ARHGEF28: variants seen among roughly 807,000 people sequenced by gnomAD.
ARHGEF28 encodes the protein Rho guanine nucleotide exchange factor 28, also known as 190 kDa guanine nucleotide exchange factor.
A neutral mutation model predicts 206.6 loss-of-function variants in ARHGEF28; 152 were observed. The ratio of observed to expected loss-of-function variants is 0.74; its 90% CI spans 0.64 to 0.84. The LOEUF (loss-of-function observed/expected upper bound fraction) is 0.84, where lower values mean the gene tolerates loss of function less well. Ranked by LOEUF, ARHGEF28 falls within the 40% of genes least tolerant of loss-of-function variation. ARHGEF28 has a pLI of 0.00. For synonymous variants in ARHGEF28, 763 were observed against 776.4 expected, an observed-to-expected ratio of 0.98 and a Z score of 0.29; for missense variants, 2,028 against 2,073.2, an observed-to-expected ratio of 0.98 and a Z score of 0.42.
At chr5:73,835,554 T>A (rs1198911526) in intron 10 of ARHGEF28, among the ~76,000 whole-genome samples, 1 of 151,876 alleles carries the variant, frequency 6.6e-6, no homozygotes, top group African/African-American at 2.4e-5. Context: ...GTGGTGCACC[T>A]GTGGAGGGTG....
rs561505395 is a variant in ARHGEF28, at chr5:73,802,870, C to CTGTGTGTGTG, written c.1024+7521_1024+7530dup. ...GATAATTGGCCAGCAAGCTCGATTG[C>CTGTGTGTGTG]TGTGTGTGTGTGTGTGTGTGTGTGT... On this transcript the variant is annotated intron_variant, in intron 9 of 35. Coordinates refer to ENST00000513042, the MANE Select transcript of ARHGEF28 (RefSeq NM_001177693.2). Among the ~76,000 whole-genome samples the CTGTGTGTGTG allele has an allele frequency of 1.9e-3, 234 of 122,194 alleles. 2 individuals are homozygous for CTGTGTGTGTG. The highest frequency in any genetic ancestry group is 6.4e-3 in the African/African-American group (203 of 31,480). The allele number at this position is 122,194 out of a possible 152,430, so 80.2% of individuals were successfully genotyped here. A position where few individuals can be genotyped will look rare whatever the true frequency, so the allele number is the denominator to read the frequency against.
At chr5:73,867,725 C>G in intron 18 of ARHGEF28, 151 bp from the exon 19 acceptor site, 2 of 1,045,536 alleles carry the variant, frequency 1.9e-6, no homozygotes, top group South Asian at 1.6e-5. Context: ...GAGCAAGTGT[C>G]AGGATCTAGC....
chr5:73,786,655 G>A (rs79422618), intron 7 of ARHGEF28, among the ~76,000 whole-genome samples: 5,766 of 152,250 alleles, frequency 0.038, 213 homozygotes, highest in African/African-American at 0.091. Context: ...TAATGCAAGT[G>A]ATTAGGCTGT....
intron 35 of ARHGEF28, among the ~76,000 whole-genome samples, chr5:73,926,929 A>G (rs1277764269): frequency 4.6e-5 from 7 of 152,222 alleles, no homozygotes; most frequent in Non-Finnish European, 1.0e-4. Context: ...AGCTGATGCT[A>G]GTCTTCATGA....
At chr5:73,768,910 C>G (rs1458518742) in intron 4 of ARHGEF28, among the ~76,000 whole-genome samples, 3 of 151,948 alleles carry the variant, frequency 2.0e-5, no homozygotes, top group Admixed American at 6.6e-5. Context: ...ATGGGTCTTT[C>G]CTGCACTGTT....
chr5:73,720,021 A>G (rs1749839840), intron 2 of ARHGEF28, among the ~76,000 whole-genome samples: 1 of 152,280 alleles, frequency 6.6e-6, no homozygotes, highest in South Asian at 2.1e-4. Flanking sequence ...CACAGATTCC[A>G]ATATTAATTC....
intron 1 of ARHGEF28, among the ~76,000 whole-genome samples, chr5:73,656,248 T>C (rs1745191707): frequency 6.6e-6 from 1 of 152,234 alleles, no homozygotes. Flanking sequence ...AAGGATTTGG[T>C]GGGCAGAATA....
Position 73,911,220 on chromosome 5 carries a change from G to A in ARHGEF28, c.4648-55G>A, listed in dbSNP as rs920158722. 2.8e-6 allele frequency: 4 copies of A among 1,438,556 alleles called. No homozygotes were observed. In the African/African-American group the frequency reaches 5.7e-5, roughly 21 times the overall value. 89.1% of individuals were successfully genotyped at this position (1,438,556 alleles called of 1,614,324 possible). A position where few individuals can be genotyped will look rare whatever the true frequency, so the allele number is the denominator to read the frequency against. On this transcript the variant is annotated intron_variant, in intron 34 of 35. Transcript: ENST00000513042. ...ATTCTCTCAGGAATAAATACTTTAT[G>A]AAACTTGTATAAGTTAGAAAAATTA...
intron 1 of ARHGEF28, among the ~76,000 whole-genome samples, chr5:73,638,420 G>A (rs1743861230): frequency 6.6e-6 from 1 of 152,174 alleles, no homozygotes; most frequent in Admixed American, 6.5e-5. Context: ...TTTGATAAAG[G>A]TCTTGATGTT....
At chr5:73,790,850 T>C (rs1394565443) in intron 7 of ARHGEF28, among the ~76,000 whole-genome samples, 1 of 152,188 alleles carries the variant, frequency 6.6e-6, no homozygotes, top group Non-Finnish European at 1.5e-5. Context: ...TAGCAACACA[T>C]GCAGGTGCAG....
chr5:73,796,529 G>A (rs748506059), intron 9 of ARHGEF28, among the ~76,000 whole-genome samples: 4 of 152,196 alleles, frequency 2.6e-5, no homozygotes, highest in Admixed American at 6.5e-5. Context: ...GCCAACACAC[G>A]ACAGAGCAGT....
At chr5:73,764,094 C>T (rs1378249148) in intron 4 of ARHGEF28, among the ~76,000 whole-genome samples, 4 of 152,206 alleles carry the variant, frequency 2.6e-5, no homozygotes, top group African/African-American at 2.4e-5. Context: ...ATTTTCATTA[C>T]AGCCCCCTGG....
Position 73,858,931 on chromosome 5 carries a change from A to G in ARHGEF28, c.2047+712A>G, listed in dbSNP as rs146254682. 4.6e-3 allele frequency among the ~76,000 whole-genome samples: 704 copies of G among 152,200 alleles called. 10 individuals are homozygous for G. Among genetic ancestry groups the G allele is most frequent in the African/African-American group, 0.016 (659 of 41,524 alleles). On this transcript the variant is annotated intron_variant, in intron 16 of 35. Coordinates refer to ENST00000513042, the MANE Select transcript of ARHGEF28 (RefSeq NM_001177693.2). The stretch of plus-strand genomic sequence containing the variant: ...CTCCCTCTGCTCCAGTCACACTGGC[A>G]TCTTTGCTGTTTTTCGAACATGGCA...
intron 1 of ARHGEF28, among the ~76,000 whole-genome samples, chr5:73,662,125 C>T (rs1459837759): frequency 6.6e-6 from 1 of 152,200 alleles, no homozygotes; most frequent in Non-Finnish European, 1.5e-5. Flanking sequence ...CATTTCTTTT[C>T]CAGAACAGGT....
chr5:73,741,568 C>T (rs187557692), intron 2 of ARHGEF28, among the ~76,000 whole-genome samples: 1,782 of 150,764 alleles, frequency 0.012, 25 homozygotes, highest in African/African-American at 0.041. Context: ...TATAGGTGTG[C>T]GCCACCAAGC....
At chr5:73,629,288 A>G (rs1053958653) in intron 1 of ARHGEF28, among the ~76,000 whole-genome samples, 2 of 152,062 alleles carry the variant, frequency 1.3e-5, no homozygotes, top group East Asian at 1.9e-4. Flanking sequence ...GCTTGAGCCC[A>G]GGAGTTCAAG....
At chr5:73,938,601 G>A (rs1375466887) in intron 35 of ARHGEF28, among the ~76,000 whole-genome samples, 1 of 152,140 alleles carries the variant, frequency 6.6e-6, no homozygotes, top group Non-Finnish European at 1.5e-5. Flanking sequence ...GTCTGCCAGT[G>A]TCTGCTCGAT....
intron 2 of ARHGEF28, among the ~76,000 whole-genome samples, chr5:73,713,815 C>T (rs552146039): frequency 6.6e-6 from 1 of 152,284 alleles, no homozygotes; most frequent in East Asian, 1.9e-4. Context: ...ACAATATATA[C>T]AGCTTCTGGG....
Position 73,901,197 on chromosome 5 carries a change from A to G in ARHGEF28, c.3987A>G (p.Gly1329=). The part of the protein sequence containing the change: ...PGSPTASLVT[G]GREGRGCSDV... Reference sequence around the variant, plus strand: ...GCGTGCTTCCAGCATTAGTCACAGGAGGGAGAGAAGGAAGAGGCTGTTCGG... The same window carrying G: ...GCGTGCTTCCAGCATTAGTCACAGGGGGGAGAGAAGGAAGAGGCTGTTCGG... Residue 1329 remains glycine (G), a synonymous_variant, in exon 31 of 36, where the codon GGA becomes GGG. Transcript: ENST00000513042. 1 of 1,612,912 alleles carries G rather than the reference A, an allele frequency of 6.2e-7. No homozygotes were observed. The highest frequency in any genetic ancestry group is 8.5e-7 in the Non-Finnish European group (1 of 1,179,450).
Sources: gnomAD v4.1 joint callset for allele counts (sites outside exome capture counted in the v4.1 genomes callset) on GRCh38, gnomAD v4.1.1 for gene constraint, MANE v1.5 for transcripts, NCBI Gene and HGNC (gene_info 2026-07-23, HGNC 2026-07-21) for gene names.